Variants in CEP70 observed in about 807,000 individuals in gnomAD.
The protein encoded by CEP70 is centrosomal protein of 70 kDa.
Under a neutral mutation model 90.9 loss-of-function variants are expected in CEP70, and 70 were observed. The observed-to-expected ratio is 0.77, with a 90% CI of 0.64 to 0.94. CEP70 has a LOEUF of 0.94. Ranked by LOEUF, CEP70 falls within the 40% of genes least tolerant of loss-of-function variation. CEP70 has a pLI of 0.00. For synonymous variants in CEP70, 220 were observed against 228.3 expected (o/e 0.96, Z 0.33); for missense variants, 648 against 669.0 (o/e 0.97, Z 0.35).
chr3:138,496,620 T>C (rs555841986), intron 17 of CEP70: 147 of 985,408 alleles, frequency 1.5e-4, no homozygotes, highest in Non-Finnish European at 1.8e-4. Context: ...AAAGAATGGA[T>C]TGTTTTTTTA....
In CEP70 at chr3:138,500,092, A is replaced by G. The variant is rs1222710449; in HGVS notation, c.1652+18T>C. 1 of 1,534,030 alleles carries G rather than the reference A, an allele frequency of 6.5e-7. No homozygotes were observed. Among genetic ancestry groups the G allele is most frequent in the East Asian group, 2.3e-5 (1 of 44,314 alleles). On this transcript the variant is annotated intron_variant, in intron 16 of 17. Transcript: ENST00000264982. ...CAGCCATTCTGGATGATACTTTGTA[A>G]ACTTTTAAAACAAATACCTCTGGAG...
At chr3:138,583,154 G>A (rs2108249213) in intron 2 of CEP70, among the ~76,000 whole-genome samples, 1 of 152,234 alleles carries the variant, frequency 6.6e-6, no homozygotes, top group East Asian at 1.9e-4. Flanking sequence ...AGTATAGCAG[G>A]AGTAGCTATA....
intron 13 of CEP70, among the ~76,000 whole-genome samples, chr3:138,504,175 A>G (rs1315464274): frequency 6.6e-6 from 1 of 152,190 alleles, no homozygotes; most frequent in African/African-American, 2.4e-5. Flanking sequence ...TTACACTATT[A>G]CTAATTATTT....
rs960510473 is a variant in CEP70 at position 138,570,530 on chromosome 3, A to G, written c.285-32T>C. On this transcript the variant is annotated intron_variant, in intron 5 of 17. Coordinates refer to ENST00000264982, the MANE Select transcript of CEP70 (RefSeq NM_024491.4). ...TAATAGACATACAATTTCTTCCCTT[A>G]GTATTAAAAATAAATCGAATTACCA... is the stretch of plus-strand genomic sequence containing the variant. 3.9e-6 allele frequency: 6 copies of G among 1,530,392 alleles called. No homozygotes were observed. In the African/African-American group the frequency reaches 7.0e-5, roughly 18 times the overall value. The allele number at this position is 1,530,392 out of a possible 1,614,324, so 94.8% of individuals were successfully genotyped here. A position where few individuals can be genotyped will look rare whatever the true frequency, so the allele number is the denominator to read the frequency against.
chr3:138,581,916 A>G (rs2041880547), intron 2 of CEP70, among the ~76,000 whole-genome samples: 1 of 152,062 alleles, frequency 6.6e-6, no homozygotes, highest in South Asian at 2.1e-4. Context: ...GAAAGAGAAA[A>G]GAAACAAATA....
At chr3:138,502,007 G>A (rs953308167) in intron 13 of CEP70, among the ~76,000 whole-genome samples, 5 of 152,142 alleles carry the variant, frequency 3.3e-5, no homozygotes, top group African/African-American at 1.2e-4. Context: ...ATCCATATGT[G>A]TATGGCACAG....
At chr3:138,501,996 A>G (rs2034553698) in intron 13 of CEP70, among the ~76,000 whole-genome samples, 1 of 152,172 alleles carries the variant, frequency 6.6e-6, no homozygotes, top group Non-Finnish European at 1.5e-5. Flanking sequence ...AGGGATACTC[A>G]ATCCATATGT....
chr3:138,527,476 C>T (rs1294158219), intron 10 of CEP70, among the ~76,000 whole-genome samples: 9 of 151,756 alleles, frequency 5.9e-5, no homozygotes, highest in Non-Finnish European at 7.4e-5. Context: ...GGGCGGATCA[C>T]GAGGTCAGGA....
intron 11 of CEP70, among the ~76,000 whole-genome samples, chr3:138,524,874 G>A (rs1560329796): frequency 1.3e-5 from 2 of 152,178 alleles, no homozygotes; most frequent in South Asian, 2.1e-4. Flanking sequence ...CAAGGTTCTA[G>A]AACTAGAAAT....
In CEP70 at chr3:138,594,206, G is replaced by A. The variant is rs902171180; in HGVS notation, c.-117C>T. 7.9e-5 allele frequency: 12 copies of A among 152,660 alleles called. No individual in the cohort carries two copies. The highest frequency in any genetic ancestry group is 2.6e-4 in the African/African-American group (11 of 41,594). 9.5% of individuals were successfully genotyped at this position (152,660 alleles called of 1,614,324 possible). A position where few individuals can be genotyped will look rare whatever the true frequency, so the allele number is the denominator to read the frequency against. ...CCCCGAGAGCCACTCACCTTACTCA[G>A]TCGCCGGCCTCCCACCAGCAGCCAG... On this transcript the variant is annotated 5_prime_UTR_variant, in exon 1 of 18. Coordinates refer to ENST00000264982, the MANE Select transcript of CEP70 (RefSeq NM_024491.4).
intron 11 of CEP70, among the ~76,000 whole-genome samples, chr3:138,515,758 T>G (rs1209612517): frequency 2.0e-5 from 3 of 152,220 alleles, no homozygotes; most frequent in African/African-American, 7.2e-5. Context: ...CATACACATG[T>G]GTACGTGTGT....
At chr3:138,501,229 A>G (rs1239687248) in intron 13 of CEP70, among the ~76,000 whole-genome samples, 1 of 152,130 alleles carries the variant, frequency 6.6e-6, no homozygotes, top group African/African-American at 2.4e-5. Flanking sequence ...TTGATACACA[A>G]AGAATAAACT....
intron 11 of CEP70, among the ~76,000 whole-genome samples, chr3:138,519,569 A>G (rs2036401317): frequency 6.6e-6 from 1 of 152,208 alleles, no homozygotes; most frequent in African/African-American, 2.4e-5. Context: ...AGAATTTCAC[A>G]TCCAGCCAAA....
intron 13 of CEP70, among the ~76,000 whole-genome samples, chr3:138,502,329 C>T (rs1179266219): frequency 6.6e-6 from 1 of 152,144 alleles, no homozygotes; most frequent in Non-Finnish European, 1.5e-5. Context: ...CTAGACAGCA[C>T]AGCTCTAGAG....
chr3:138,519,329 G>A (rs1381649742), intron 11 of CEP70, among the ~76,000 whole-genome samples: 2 of 152,136 alleles, frequency 1.3e-5, no homozygotes, highest in African/African-American at 4.8e-5. Context: ...GAAATACAGA[G>A]AATGCCACAA....
chr3:138,520,290 G>C (rs1171725770), intron 11 of CEP70, among the ~76,000 whole-genome samples: 1 of 151,958 alleles, frequency 6.6e-6, no homozygotes, highest in East Asian at 1.9e-4. Context: ...AGAAAATTAA[G>C]AAGGATATCC....
At chr3:138,554,647 A>G (rs1460027355) in intron 6 of CEP70, among the ~76,000 whole-genome samples, 1 of 152,202 alleles carries the variant, frequency 6.6e-6, no homozygotes, top group African/African-American at 2.4e-5. Context: ...AATGTACATA[A>G]ATCAGTATCT....
In CEP70 at chr3:138,520,933, T is replaced by C. The variant is rs189314906; in HGVS notation, c.944+4557A>G. Among the ~76,000 whole-genome samples, 719 of 152,328 alleles carry C rather than the reference T, an allele frequency of 4.7e-3. 4 individuals are homozygous for C. Among genetic ancestry groups the C allele is most frequent in the African/African-American group, 0.017 (692 of 41,566 alleles). ...GCCTGATTCTCCTGCCTCAGCCTGC[T>C]GAGTGCCTGGGATTGCAGGTGTGCG... On this transcript the variant is annotated intron_variant, in intron 11 of 17. Transcript: ENST00000264982.
intron 8 of CEP70, 40 bp downstream of exon 8, chr3:138,532,474 A>G (rs1183045734): frequency 4.1e-6 from 6 of 1,459,034 alleles, no homozygotes; most frequent in Non-Finnish European, 5.5e-6. Flanking sequence ...TGAATACTGG[A>G]TTAAAACCTT....
Sources: gnomAD v4.1 joint callset for allele counts (sites outside exome capture counted in the v4.1 genomes callset) on GRCh38, gnomAD v4.1.1 for gene constraint, MANE v1.5 for transcripts, NCBI Gene and HGNC (gene_info 2026-07-23, HGNC 2026-07-21) for gene names.